PIK3C2B: variants seen among roughly 807,000 people sequenced by gnomAD.
PIK3C2B encodes the protein phosphatidylinositol-4-phosphate 3-kinase catalytic subunit type 2 beta, also known as phosphatidylinositol 4-phosphate 3-kinase C2 domain-containing subunit beta.
Under a neutral mutation model 184.3 loss-of-function variants are expected in PIK3C2B, and 83 were observed. The ratio of observed to expected loss-of-function variants is 0.45; its 90% CI spans 0.38 to 0.54. The LOEUF (loss-of-function observed/expected upper bound fraction) is 0.54, where lower values mean the gene tolerates loss of function less well. PIK3C2B is among the 20% of genes least tolerant of loss of function. The pLI is 0.00. For synonymous variants in PIK3C2B, 779 were observed against 837.6 expected, an observed-to-expected ratio of 0.93 and a Z score of 1.21; for missense variants, 1,736 against 2,113.5, an observed-to-expected ratio of 0.82 and a Z score of 3.50.
chr1:204,436,556 G>A (rs1158340134), intron 23 of PIK3C2B, among the ~76,000 whole-genome samples: 2 of 152,184 alleles, frequency 1.3e-5, no homozygotes, highest in Non-Finnish European at 2.9e-5. Context: ...TATTCTTGGA[G>A]AAAGGCTAGA....
chr1:204,431,632 G>A (rs760508678), intron 28 of PIK3C2B, 37 bp downstream of exon 28: 15 of 1,612,076 alleles, frequency 9.3e-6, no homozygotes, highest in East Asian at 2.2e-5. Context: ...CCCCCTCCCC[G>A]ACATCCCTCT....
intron 1 of PIK3C2B, among the ~76,000 whole-genome samples, chr1:204,476,540 T>C (rs979046864): frequency 1.1e-4 from 16 of 152,228 alleles, no homozygotes; most frequent in African/African-American, 3.6e-4. Flanking sequence ...AGACCCTGTC[T>C]CAAATTAAAT....
At chr1:204,434,009 G>A in intron 24 of PIK3C2B, 60 bp from the exon 25 acceptor site, 1 of 1,381,334 alleles carries the variant, frequency 7.2e-7, no homozygotes, top group South Asian at 1.2e-5. Context: ...CCACCATATG[G>A]GCTGCATCAG....
chr1:204,463,946 C>A (rs1298779507), intron 5 of PIK3C2B, 66 bp downstream of exon 5: 3 of 1,548,140 alleles, frequency 1.9e-6, no homozygotes, highest in Non-Finnish European at 2.7e-6. Flanking sequence ...CAGCACCAAT[C>A]CCATGAAGCC....
Position 204,459,950 on chromosome 1 carries a change from T to TG in PIK3C2B, c.1503-10dup. 1.2e-6 allele frequency: 2 copies of TG among 1,613,282 alleles called. No homozygotes were observed. The highest frequency in any genetic ancestry group is 1.7e-6 in the Non-Finnish European group (2 of 1,179,576). ...GAAGACTCAGGGCCTGCCTGGGAGT[T>TG]GGGGGCAGGGAAAAACCACAGGAGA... On this transcript the variant is annotated splice_polypyrimidine_tract_variant and intron_variant, in intron 7 of 32. Coordinates refer to ENST00000684373, the MANE Select transcript of PIK3C2B (RefSeq NM_001377334.1).
chr1:204,452,019 T>C (rs74571717), intron 12 of PIK3C2B, among the ~76,000 whole-genome samples: 4,417 of 152,284 alleles, frequency 0.029, 150 homozygotes, highest in East Asian at 0.08. Context: ...CTCTGAACGC[T>C]GGCACGCCTT....
chr1:204,449,913 T>C lies in PIK3C2B; in HGVS notation c.2171A>G (p.Asn724Ser), dbSNP rs751948922. The C allele has an allele frequency of 4.3e-6, 7 of 1,613,850 alleles. No individual in the cohort carries two copies. Among genetic ancestry groups the C allele is most frequent in the East Asian group, 2.2e-5 (1 of 44,886 alleles). The part of the protein sequence containing the change: ...IPPPGSSSEA[N>S]KQRRVPEALG... The stretch of plus-strand genomic sequence containing the variant: ...GGCTTCAGGCACCCGCCGCTGCTTA[T>C]TGGCCTCTGAGGAGCTCCCCGGTGG... The change falls in exon 13 of 33, where the codon AAT becomes AGT. Residue 724 changes from asparagine to serine, a missense_variant. By Grantham distance (46) the Asn-to-Ser change is conservative. Transcript: ENST00000684373.
rs745554205 is a variant in PIK3C2B, at chr1:204,460,633, T to G, written c.1339A>C (p.Ile447Leu). 8 of 1,613,800 alleles carry G rather than the reference T, an allele frequency of 5.0e-6. No homozygotes were observed. Among genetic ancestry groups the G allele is most frequent in the Non-Finnish European group, 5.9e-6 (7 of 1,179,716 alleles). ...NKHALGSHEY[I>L]QYCRKFDIDI... Reference sequence around the variant, plus strand: ...ATGTCAAACTTGCGGCAGTATTGGATGTACTCATGACTGCCCAAGGCATGC... The same window carrying G: ...ATGTCAAACTTGCGGCAGTATTGGAGGTACTCATGACTGCCCAAGGCATGC... The change falls in exon 6 of 33, where the codon ATC becomes CTC. Residue 447 changes from isoleucine to leucine, a missense_variant. Physicochemically the swap from Ile to Leu is conservative, Grantham distance 5. This residue lies in a region of PIK3C2B where 609 missense variants were observed against 699.2 expected (regional missense o/e 0.87). Transcript: ENST00000684373.
At chr1:204,428,899 T>C (rs1472100784) in intron 29 of PIK3C2B, 3 of 456,236 alleles carry the variant, frequency 6.6e-6, no homozygotes, top group Admixed American at 4.7e-5. Context: ...CTTTTCTGCA[T>C]GCTTGAAAGT....
chr1:204,455,906 C>T lies in PIK3C2B; in HGVS notation c.1893G>A (p.Leu631=). 2 of 1,614,162 alleles carry T rather than the reference C, an allele frequency of 1.2e-6. No homozygotes were observed. The highest frequency in any genetic ancestry group is 1.7e-6 in the Non-Finnish European group (2 of 1,180,002). Residue 631 remains leucine (L), a synonymous_variant, in exon 11 of 33, where the codon CTG becomes CTA. Coordinates refer to ENST00000684373, the MANE Select transcript of PIK3C2B (RefSeq NM_001377334.1). ...GGTGGGTGGCATAGACAGTGAAGGCCAGGGACCTGGCGAAATGGCAGGCCT... is the reference window on the plus strand; with the variant it reads ...GGTGGGTGGCATAGACAGTGAAGGCTAGGGACCTGGCGAAATGGCAGGCCT... ...VQEACHFARS[L]AFTVYATHRI... is the part of the protein sequence containing the mutation.
intron 28 of PIK3C2B, among the ~76,000 whole-genome samples, chr1:204,430,496 C>A (rs1408761602): frequency 6.6e-6 from 1 of 151,764 alleles, no homozygotes; most frequent in Non-Finnish European, 1.5e-5. Flanking sequence ...CAGGCACACA[C>A]CACCGCACCC....
At chr1:204,445,159 A>G (rs1430975899) in intron 16 of PIK3C2B, among the ~76,000 whole-genome samples, 1 of 152,070 alleles carries the variant, frequency 6.6e-6, no homozygotes, top group Non-Finnish European at 1.5e-5. Context: ...CAGCCAATGT[A>G]CAGGTAAACT....
intron 14 of PIK3C2B, among the ~76,000 whole-genome samples, chr1:204,448,189 G>C (rs2999493): frequency 0.93 from 142,098 of 151,994 alleles, 67,201 homozygotes; most frequent in East Asian, 1. Context: ...TCTCGGCTCA[G>C]TGCAACCTCT....
chr1:204,454,778 A>G lies in PIK3C2B; in HGVS notation c.1957T>C (p.Tyr653His). Residue 653 changes from tyrosine to histidine, a missense_variant, in exon 12 of 33, where the codon TAC becomes CAC. Coordinates refer to ENST00000684373, the MANE Select transcript of PIK3C2B (RefSeq NM_001377334.1). ...CCATGGCTGAGGGAGCAGGAGAGGTAGAAATCTTCATAGCTATAAAAGAAA... is the reference window on the plus strand; with the variant it reads ...CCATGGCTGAGGGAGCAGGAGAGGTGGAAATCTTCATAGCTATAAAAGAAA... ...IIWATSYEDFYLSCSLSHGGK... is the reference protein window; with the variant it reads ...IIWATSYEDFHLSCSLSHGGK... 1 of 1,612,518 alleles carries G rather than the reference A, an allele frequency of 6.2e-7. No individual in the cohort carries two copies. The highest frequency in any genetic ancestry group is 1.1e-5 in the South Asian group (1 of 91,082).
At chr1:204,452,317 A>G (rs143643595) in intron 12 of PIK3C2B, among the ~76,000 whole-genome samples, 1,529 of 14,746 alleles carry the variant, frequency 0.1, 46 homozygotes, top group African/African-American at 0.14. Flanking sequence ...TTTTTTTGAG[A>G]CAGGGTCTCG....
At chr1:204,439,551 C>T (rs1200330509) in intron 22 of PIK3C2B, among the ~76,000 whole-genome samples, 1 of 152,160 alleles carries the variant, frequency 6.6e-6, no homozygotes, top group Non-Finnish European at 1.5e-5. Flanking sequence ...GCCATTGTCA[C>T]ATCCAAAAAA....
chr1:204,459,561 C>T, intron 8 of PIK3C2B, among the ~76,000 whole-genome samples: 1 of 152,198 alleles, frequency 6.6e-6, no homozygotes, highest in East Asian at 1.9e-4. Flanking sequence ...CAGTGTACAT[C>T]AAGTGCAGCA....
intron 1 of PIK3C2B, among the ~76,000 whole-genome samples, chr1:204,488,426 A>C (rs1657777460): frequency 6.6e-6 from 1 of 152,182 alleles, no homozygotes; most frequent in Admixed American, 6.5e-5. Flanking sequence ...ATCTATCAGT[A>C]TAGAATTCCT....
chr1:204,426,424 G>T (rs776125553), intron 31 of PIK3C2B, among the ~76,000 whole-genome samples: 5 of 152,168 alleles, frequency 3.3e-5, no homozygotes, highest in Non-Finnish European at 7.3e-5. Context: ...GCCTGGGAAA[G>T]TCTGCCCTCA....
Sources: gnomAD v4.1 joint callset for allele counts (sites outside exome capture counted in the v4.1 genomes callset) on GRCh38, gnomAD v4.1.1 for gene constraint, gnomAD v4.1.1 regional missense constraint, MANE v1.5 for transcripts, NCBI Gene and HGNC (gene_info 2026-07-23, HGNC 2026-07-21) for gene names.